Variants in SUSD4 observed in about 807,000 individuals in gnomAD.
SUSD4 encodes the protein sushi domain containing 4, also known as sushi domain-containing protein 4.
Under a neutral mutation model 50.5 loss-of-function variants are expected in SUSD4, and 41 were observed. The observed-to-expected ratio is 0.81, with a 90% CI of 0.63 to 1.05. The LOEUF is 1.05. Among genes scored for constraint, SUSD4 ranks in the 50% least tolerant of loss-of-function variants. SUSD4 has a pLI of 0.00. For missense variants in SUSD4, 580 were observed against 634.7 expected (o/e 0.91, Z 0.93); for synonymous variants, 257 against 257.3 (o/e 1.00, Z 0.01).
At chr1:223,290,013 T>C (rs1664382988) in intron 3 of SUSD4, among the ~76,000 whole-genome samples, 1 of 152,230 alleles carries the variant, frequency 6.6e-6, no homozygotes, top group Admixed American at 6.5e-5. Context: ...AGACTCATCT[T>C]ATAGAATTGT....
chr1:223,264,121 C>T (rs1021104155), intron 5 of SUSD4: 9 of 985,282 alleles, frequency 9.1e-6, no homozygotes, highest in African/African-American at 3.5e-5. Flanking sequence ...AGTGGTCTTT[C>T]GTGAATCACA....
At chr1:223,333,173 CG>C (rs1174948080) in intron 2 of SUSD4, among the ~76,000 whole-genome samples, 1 of 152,140 alleles carries the variant, frequency 6.6e-6, no homozygotes, top group Non-Finnish European at 1.5e-5. Context: ...CACACACCCA[CG>C]GGTGCACACC....
intron 2 of SUSD4, among the ~76,000 whole-genome samples, chr1:223,352,656 T>C (rs1361606647): frequency 6.6e-6 from 1 of 151,964 alleles, no homozygotes; most frequent in Non-Finnish European, 1.5e-5. Context: ...TCCCAAGATC[T>C]CCAGCCCACA....
intron 3 of SUSD4, among the ~76,000 whole-genome samples, chr1:223,286,147 G>A (rs34788475): frequency 0.43 from 64,705 of 151,624 alleles, 14,277 homozygotes; most frequent in African/African-American, 0.54. Flanking sequence ...ATGGAGTCTC[G>A]CTCTGTCGCC....
At chr1:223,269,974 C>T (rs1571932765) in intron 3 of SUSD4, among the ~76,000 whole-genome samples, 1 of 152,046 alleles carries the variant, frequency 6.6e-6, no homozygotes, top group East Asian at 1.9e-4. Flanking sequence ...GGGTGACTCT[C>T]GTGGCTAGGA....
chr1:223,268,013 T>TTATATATA lies in SUSD4; in HGVS notation c.535+481_535+488dup, dbSNP rs59885860. Among the ~76,000 whole-genome samples, 63 of 53,330 alleles carry TTATATATA rather than the reference T, an allele frequency of 1.2e-3. 1 individual carries two copies. The highest frequency in any genetic ancestry group is 5.5e-3 in the African/African-American group (48 of 8,728). The allele number at this position is 53,330 out of a possible 152,430, so 35.0% of individuals were successfully genotyped here. On this transcript the variant is annotated intron_variant, in intron 4 of 8. Transcript: ENST00000366878. Reference sequence around the variant, plus strand: ...AATTTTTCTGCTCTTCATGCATTTTTTATATATATATATATATATATATAT... The same window carrying TTATATATA: ...AATTTTTCTGCTCTTCATGCATTTTTTATATATATATATATATATATATATATATATAT...
chr1:223,234,044 C>T (rs1383432793), intron 5 of SUSD4, among the ~76,000 whole-genome samples: 1 of 152,122 alleles, frequency 6.6e-6, no homozygotes, highest in Non-Finnish European at 1.5e-5. Flanking sequence ...CTGGAAAATT[C>T]CTACCTACCC....
At chr1:223,239,412 G>A (rs1417952423) in intron 5 of SUSD4, among the ~76,000 whole-genome samples, 2 of 151,920 alleles carry the variant, frequency 1.3e-5, no homozygotes, top group African/African-American at 4.8e-5. Context: ...GTTCTTTGTT[G>A]CTATTGTTAT....
Position 223,229,157 on chromosome 1 carries a change from G to C in SUSD4, c.916+40C>G, listed in dbSNP as rs1421267727. The C allele has an allele frequency of 6.4e-7, 1 of 1,560,052 alleles. No individual in the cohort carries two copies. The highest frequency in any genetic ancestry group is 2.3e-5 in the East Asian group (1 of 43,848). On this transcript the variant is annotated intron_variant, in intron 6 of 8. Transcript: ENST00000366878. The surrounding 1 kb of genome is among the most constrained non-coding windows in gnomAD (Gnocchi z 4.7). ...ACCCACTATGTGCAGATGGTCCAAG[G>C]AGGGTCCATCTCCTCCAAGGGTGAG...
intron 3 of SUSD4, among the ~76,000 whole-genome samples, chr1:223,275,846 G>C (rs942736537): frequency 6.6e-6 from 1 of 152,164 alleles, no homozygotes; most frequent in African/African-American, 2.4e-5. Flanking sequence ...AATTTAACAA[G>C]CGCTGGCCCA....
At position 223,231,232 on chromosome 1, in the gene SUSD4, C is replaced by T. The variant is rs1659876845; in HGVS notation, c.725-1844G>A. Among the ~76,000 whole-genome samples, 1 of 152,138 alleles carries T rather than the reference C, an allele frequency of 6.6e-6. No individual in the cohort carries two copies. The highest frequency in any genetic ancestry group is 1.9e-4 in the East Asian group (1 of 5,192). ...TCTCCACCTGCCCACCCTCCAGGCT[C>T]CCTCTGGACAAAGCCAGTGGGGAGC... On this transcript the variant is annotated intron_variant, in intron 5 of 8. Coordinates refer to ENST00000366878, the MANE Select transcript of SUSD4 (RefSeq NM_017982.4). This position sits in a 1 kb window ranked among gnomAD's most constrained non-coding sequence, Gnocchi z 4.2.
chr1:223,223,328 A>T lies in SUSD4; in HGVS notation c.1365T>A (p.Pro455=). The change falls in exon 8 of 9, where the codon CCT becomes CCA. Residue 455 remains proline (P), a synonymous_variant. Transcript: ENST00000366878. The part of the protein sequence containing the change: ...SPPRCQESTH[P]ASDNPDIIAS... The stretch of plus-strand genomic sequence containing the variant: ...CAATTATGTCAGGGTTGTCCGAAGC[A>T]GGGTGGGTGCTCTCTTGGCACCTGG... 6.2e-7 allele frequency: 1 copy of T among 1,609,530 alleles called. No individual in the cohort carries two copies. The highest frequency in any genetic ancestry group is 8.5e-7 in the Non-Finnish European group (1 of 1,178,126).
At chr1:223,237,651 T>C (rs1230112130) in intron 5 of SUSD4, among the ~76,000 whole-genome samples, 1 of 152,072 alleles carries the variant, frequency 6.6e-6, no homozygotes, top group Non-Finnish European at 1.5e-5. Context: ...ATTGCATTAA[T>C]TGATTTTTAA....
chr1:223,291,157 C>T (rs1664462180), intron 3 of SUSD4, among the ~76,000 whole-genome samples: 1 of 152,050 alleles, frequency 6.6e-6, no homozygotes, highest in African/African-American at 2.4e-5. Flanking sequence ...CTTATCTATC[C>T]TTTACAATTT....
chr1:223,298,204 A>T (rs1012757273), intron 2 of SUSD4, among the ~76,000 whole-genome samples: 2 of 152,010 alleles, frequency 1.3e-5, no homozygotes, highest in African/African-American at 4.8e-5. Context: ...GGATGGATGG[A>T]GCCTCATGCC....
chr1:223,252,228 A>ATAT (rs1553285648), intron 5 of SUSD4, among the ~76,000 whole-genome samples: 5 of 111,266 alleles, frequency 4.5e-5, no homozygotes, highest in African/African-American at 1.4e-4. Context: ...TTAAAAAAAA[A>ATAT]AAAAAAAAAT....
At chr1:223,224,834 T>C (rs1391592450) in intron 7 of SUSD4, among the ~76,000 whole-genome samples, 1 of 148,010 alleles carries the variant, frequency 6.8e-6, no homozygotes, top group Non-Finnish European at 1.5e-5. Flanking sequence ...GGGTGGCTAA[T>C]AAGTAGCCAA....
chr1:223,313,089 T>C (rs1006092888), intron 2 of SUSD4, among the ~76,000 whole-genome samples: 6 of 152,206 alleles, frequency 3.9e-5, no homozygotes, highest in Admixed American at 3.9e-4. Flanking sequence ...CGAACCTTGA[T>C]AGTTTATGCT....
At chr1:223,299,779 C>T (rs1665064636) in intron 2 of SUSD4, among the ~76,000 whole-genome samples, 1 of 152,178 alleles carries the variant, frequency 6.6e-6, no homozygotes, top group Non-Finnish European at 1.5e-5. Context: ...TCTCTTCTCT[C>T]TGCCTGACTG....
Sources: allele counts gnomAD v4.1 joint callset (sites outside exome capture counted in the v4.1 genomes callset), GRCh38; gene constraint gnomAD v4.1.1; non-coding constraint Gnocchi (gnomAD v3.1); transcripts MANE v1.5; gene names NCBI Gene and HGNC (gene_info 2026-07-23, HGNC 2026-07-21).